The following GATA2 variants were observed in gnomAD, a reference collection of about 807,000 sequenced individuals.
GATA2 encodes GATA binding protein 2, also known as endothelial transcription factor GATA-2.
In GATA2, 6 loss-of-function variants were observed where a neutral mutation model predicts 35.7. The ratio of observed to expected loss-of-function variants is 0.17; its 90% confidence interval spans 0.09 to 0.33. The LOEUF (loss-of-function observed/expected upper bound fraction) is 0.33, where lower values mean the gene tolerates loss of function less well. Ranked by LOEUF, GATA2 falls within the 10% of genes least tolerant of loss-of-function variation. GATA2 has a pLI of 1.00. For missense variants in GATA2, 541 were observed against 656.6 expected, an observed-to-expected ratio of 0.82 and a Z score of 1.92; for synonymous variants, 313 against 274.9, an observed-to-expected ratio of 1.14 and a Z score of -1.37.
Position 128,486,676 on chromosome 3 carries a change from G to A in GATA2, c.229+127C>T, listed in dbSNP as rs4577488. On this transcript the variant is annotated intron_variant, in intron 2 of 5. Transcript: ENST00000341105. ...ATCGGCCGCTGCTCCCACCTCTCCC[G>A]CCCCAATTTTTCAGCAGCTCGATTC... 166,400 of 991,834 alleles carry A rather than the reference G, an allele frequency of 0.17. 15,601 individuals are homozygous for A. Among genetic ancestry groups the A allele is most frequent in the East Asian group, 0.37 (13,875 of 37,954 alleles). The allele number at this position is 991,834 out of a possible 1,614,324, so 61.4% of individuals were successfully genotyped here.
At chr3:128,492,735 G>A (rs1232791843) in intron 1 of GATA2, among the ~76,000 whole-genome samples, 164 bp downstream of exon 1, 1 of 152,192 alleles carries the variant, frequency 6.6e-6, no homozygotes, top group Non-Finnish European at 1.5e-5. Flanking sequence ...ACTCCCTCTG[G>A]TTAAAGTCCC....
chr3:128,479,614 G>T lies in GATA2; in HGVS notation c.*1405C>A, dbSNP rs927129253. 1 of 233,260 alleles carries T rather than the reference G, an allele frequency of 4.3e-6. No homozygotes were observed. Among genetic ancestry groups the T allele is most frequent in the African/African-American group, 2.2e-5 (1 of 45,246 alleles). 14.4% of individuals were successfully genotyped at this position (233,260 alleles called of 1,614,324 possible). On this transcript the variant is annotated 3_prime_UTR_variant, in exon 6 of 6. Transcript: ENST00000341105. ...ATACTGCCGATTCTTTTTCTTATGC[G>T]GACACTAGTACAAAATAAGTTACTT...
intron 3 of GATA2, 25 bp from the exon 4 acceptor site, chr3:128,484,030 G>C: frequency 6.2e-7 from 1 of 1,608,516 alleles, no homozygotes; most frequent in Non-Finnish European, 8.5e-7. Flanking sequence ...GGAGAGACAC[G>C]GGGGCCTGCT....
rs1363204381 is a variant in GATA2 at position 128,486,106 on chromosome 3, G to T, written c.492C>A (p.Ala164=). The T allele has an allele frequency of 1.6e-5, 26 of 1,613,190 alleles. No individual in the cohort carries two copies. Among genetic ancestry groups the T allele is most frequent in the Non-Finnish European group, 2.0e-5 (24 of 1,179,852 alleles). The change falls in exon 3 of 6, where the codon GCC becomes GCA. Residue 164 remains alanine (A), a synonymous_variant. Transcript: ENST00000341105. The part of the protein sequence containing the change: ...SSVASLTPTA[A]HSGSHLFGFP... ...AGCCGAAAAGGTGGGAGCCAGAGTGGGCTGCTGTAGGGGTGAGGGAGGCCA... is the reference window on the plus strand; with the variant it reads ...AGCCGAAAAGGTGGGAGCCAGAGTGTGCTGCTGTAGGGGTGAGGGAGGCCA...
At chr3:128,481,457 C>T in intron 5 of GATA2, 139 bp from the exon 6 acceptor site, 1 of 964,270 alleles carries the variant, frequency 1.0e-6, no homozygotes, top group Non-Finnish European at 1.6e-6. Context: ...TTCATAGTCC[C>T]ATCACCAGAT....
intron 1 of GATA2, among the ~76,000 whole-genome samples, chr3:128,491,339 C>T (rs748690574): frequency 2.6e-5 from 4 of 152,068 alleles, no homozygotes; most frequent in Non-Finnish European, 5.9e-5. Context: ...AATTGGCCCG[C>T]GGTGTGGGGC....
At position 128,480,840 on chromosome 3, in the gene GATA2, C is replaced by G; in HGVS notation, c.*179G>C. The stretch of plus-strand genomic sequence containing the variant: ...CAGCGGTCAGGTGCGGAGGCAGCCT[C>G]TCAGCGGTGGGGAACATTCACAGTA... On this transcript the variant is annotated 3_prime_UTR_variant, in exon 6 of 6. Coordinates refer to ENST00000341105, the MANE Select transcript of GATA2 (RefSeq NM_032638.5). 4.4e-6 allele frequency: 3 copies of G among 685,828 alleles called. No homozygotes were observed. The allele number at this position is 685,828 out of a possible 1,614,324, so 42.5% of individuals were successfully genotyped here.
intron 4 of GATA2, among the ~76,000 whole-genome samples, chr3:128,483,284 G>C (rs1163958711): frequency 6.6e-6 from 1 of 152,226 alleles, no homozygotes; most frequent in Non-Finnish European, 1.5e-5. Context: ...AACTCGCAGA[G>C]TCCGGAAACA....
rs1239047306 is a variant in GATA2 at position 128,485,822 on chromosome 3, T to C, written c.776A>G (p.Asp259Gly). The change falls in exon 3 of 6, where the codon GAC becomes GGC. Residue 259 changes from aspartate (D) to glycine (G), a missense_variant. Asp to Gly is a moderately conservative substitution (Grantham distance 94). Coordinates refer to ENST00000341105, the MANE Select transcript of GATA2 (RefSeq NM_032638.5). ...YPSYVPAAAH[D>G]YSSGLFHPGG... ...GGGGTGGAAGAGTCCGCTGCTGTAG[T>C]CGTGGGCAGCCGCCGGCACATAGGA... 10 of 1,613,784 alleles carry C rather than the reference T, an allele frequency of 6.2e-6. No homozygotes were observed. The highest frequency in any genetic ancestry group is 8.5e-6 in the Non-Finnish European group (10 of 1,179,852).
In GATA2 at chr3:128,487,095, G is replaced by A. The variant is rs1261819153; in HGVS notation, c.-45-19C>T. On this transcript the variant is annotated intron_variant, in intron 1 of 5. Coordinates refer to ENST00000341105, the MANE Select transcript of GATA2 (RefSeq NM_032638.5). The stretch of plus-strand genomic sequence containing the variant: ...AACGGCCCTGCGCGAGGAAGGGGGA[G>A]TGAGGCGTGCCGCCAGCGCCTGACA... 23 of 1,372,842 alleles carry A rather than the reference G, an allele frequency of 1.7e-5. No homozygotes were observed. The Admixed American group carries it at 5.3e-4, about 32-fold the overall frequency. The allele number at this position is 1,372,842 out of a possible 1,614,324, so 85.0% of individuals were successfully genotyped here.
Position 128,479,481 on chromosome 3 carries a change from G to T in GATA2, c.*1538C>A, listed in dbSNP as rs2107666462. The T allele has an allele frequency of 4.3e-6, 1 of 232,806 alleles. No homozygotes were observed. Among genetic ancestry groups the T allele is most frequent in the East Asian group, 6.1e-5 (1 of 16,416 alleles). The allele number at this position is 232,806 out of a possible 1,614,324, so 14.4% of individuals were successfully genotyped here. A position where few individuals can be genotyped will look rare whatever the true frequency, so the allele number is the denominator to read the frequency against. On this transcript the variant is annotated 3_prime_UTR_variant, in exon 6 of 6. Coordinates refer to ENST00000341105, the MANE Select transcript of GATA2 (RefSeq NM_032638.5). ...AGTACTCACTTTAAAGGAATAAGAGGATAGCATACATTTTTTACAGACAAT... is the reference window on the plus strand; with the variant it reads ...AGTACTCACTTTAAAGGAATAAGAGTATAGCATACATTTTTTACAGACAAT...
chr3:128,486,720 G>C, intron 2 of GATA2, 83 bp downstream of exon 2: 1 of 1,331,882 alleles, frequency 7.5e-7, no homozygotes, highest in Non-Finnish European at 1.0e-6. Flanking sequence ...CCTACATCCG[G>C]GAAGCAAGCA....
At position 128,486,048 on chromosome 3, in the gene GATA2, C is replaced by G. The variant is rs1559987298; in HGVS notation, c.550G>C (p.Asp184His). 6.2e-7 allele frequency: 1 copy of G among 1,614,072 alleles called. No individual in the cohort carries two copies. The highest frequency in any genetic ancestry group is 2.2e-5 in the East Asian group (1 of 44,878). ...PPTPPKEVSP[D>H]PSTTGAASPA... ...GACGCAGCCCCCGTGGTGCTAGGGT[C>G]AGGAGACACTTCTTTGGGTGGCGTG... The change falls in exon 3 of 6, where the codon GAC (aspartate) becomes CAC (histidine). Residue 184 changes from aspartate (D) to histidine (H), a missense_variant. Asp to His is a moderately conservative substitution (Grantham distance 81). Transcript: ENST00000341105.
Position 128,480,502 on chromosome 3 carries a change from C to T in GATA2, c.*517G>A, listed in dbSNP as rs1292264865. 3.7e-5 allele frequency: 9 copies of T among 242,224 alleles called. No homozygotes were observed. The highest frequency in any genetic ancestry group is 6.4e-5 in the Non-Finnish European group (8 of 124,162). The allele number at this position is 242,224 out of a possible 1,614,324, so 15.0% of individuals were successfully genotyped here. The stretch of plus-strand genomic sequence containing the variant: ...CCACTCTGGCTTTGGCTCAGCCCAG[C>T]CTGGAGTTCGGCTATTTCAGAGAGG... On this transcript the variant is annotated 3_prime_UTR_variant, in exon 6 of 6. Coordinates refer to ENST00000341105, the MANE Select transcript of GATA2 (RefSeq NM_032638.5).
rs1421898396 is a variant in GATA2, at chr3:128,482,123, A to T, written c.1018-179T>A. 1.2e-5 allele frequency: 9 copies of T among 766,658 alleles called. No individual in the cohort carries two copies. In the East Asian group the frequency reaches 2.4e-4, roughly 21 times the overall value. The allele number at this position is 766,658 out of a possible 1,614,324, so 47.5% of individuals were successfully genotyped here. A position where few individuals can be genotyped will look rare whatever the true frequency, so the allele number is the denominator to read the frequency against. ...GAATTTGAGAACGAAATAAGTCAAG[A>T]CTCACAGAACTTTGGAATAAAGAAC... On this transcript the variant is annotated intron_variant, in intron 4 of 5. Transcript: ENST00000341105.
In GATA2 at chr3:128,486,976, G is replaced by T. The variant is rs1361789790; in HGVS notation, c.56C>A (p.Ala19Glu). The change falls in exon 2 of 6, where the codon GCG (alanine) becomes GAG (glutamate). Residue 19 changes from alanine (A) to glutamate (E), a missense_variant. Coordinates refer to ENST00000341105, the MANE Select transcript of GATA2 (RefSeq NM_032638.5). Reference sequence around the variant, plus strand: ...CGGGTGGTGTGAGTCGGGGTGCTGCGCATTCAGCACGGCCGGGTGCGCCAT... The same window carrying T: ...CGGGTGGTGTGAGTCGGGGTGCTGCTCATTCAGCACGGCCGGGTGCGCCAT... ...RWMAHPAVLNAQHPDSHHPGL... is the reference protein window; with the variant it reads ...RWMAHPAVLNEQHPDSHHPGL... 2 of 1,610,344 alleles carry T rather than the reference G, an allele frequency of 1.2e-6. No individual in the cohort carries two copies. The highest frequency in any genetic ancestry group is 1.7e-6 in the Non-Finnish European group (2 of 1,178,390).
At chr3:128,487,160 G>A (rs375258577) in intron 1 of GATA2, 84 bp from the exon 2 acceptor site, 25 of 738,570 alleles carry the variant, frequency 3.4e-5, no homozygotes, top group East Asian at 1.7e-4. Context: ...GCACGCCACG[G>A]AGCCCCAGCC....
intron 3 of GATA2, 132 bp downstream of exon 3, chr3:128,485,595 G>A: frequency 4.4e-6 from 5 of 1,134,416 alleles, no homozygotes; most frequent in East Asian, 2.6e-5. Flanking sequence ...TCTGCTGGGG[G>A]CTATTAGAGC....
chr3:128,482,756 G>A (rs1003680367), intron 4 of GATA2, among the ~76,000 whole-genome samples: 3 of 152,192 alleles, frequency 2.0e-5, no homozygotes, highest in Admixed American at 6.5e-5. Flanking sequence ...ATGAGCGCCT[G>A]GTCCTTGCAG....
Sources: allele counts gnomAD v4.1 joint callset (sites outside exome capture counted in the v4.1 genomes callset), GRCh38; gene constraint gnomAD v4.1.1; transcripts MANE v1.5; gene names NCBI Gene and HGNC (gene_info 2026-07-23, HGNC 2026-07-21).